Variants in DIPK2A observed in about 807,000 individuals in gnomAD.
DIPK2A encodes Golgi Protein of 49 kDa.
DIPK2A carries 27 observed loss-of-function variants against 39.0 expected under a neutral mutation model. The observed-to-expected ratio is 0.69, with a 90% CI of 0.51 to 0.96. The LOEUF (loss-of-function observed/expected upper bound fraction) is 0.96, where lower values mean the gene tolerates loss of function less well. Among genes scored for constraint, DIPK2A ranks in the 40% least tolerant of loss-of-function variants. DIPK2A has a pLI of 0.00. For synonymous variants in DIPK2A, 298 were observed against 240.8 expected (o/e 1.24, Z -2.20); for missense variants, 528 against 571.3 (o/e 0.92, Z 0.77).
intron 1 of DIPK2A, among the ~76,000 whole-genome samples, chr3:143,982,709 G>A (rs79028496): frequency 6.6e-6 from 1 of 152,108 alleles, no homozygotes; most frequent in East Asian, 1.9e-4. Flanking sequence ...AAAATAACCA[G>A]CTAGCATCAT....
intron 1 of DIPK2A, among the ~76,000 whole-genome samples, chr3:143,980,390 C>G (rs942810998): frequency 4.9e-4 from 74 of 152,118 alleles, no homozygotes; most frequent in African/African-American, 1.7e-3. Context: ...GCCTCAGCCT[C>G]CCGAGTAGCT....
At chr3:143,973,695 C>T in intron 1 of DIPK2A, 1 of 667,536 alleles carries the variant, frequency 1.5e-6, no homozygotes. Flanking sequence ...GTGACCTGCC[C>T]TATTCATCTG....
In DIPK2A at chr3:143,972,615, C is replaced by T; in HGVS notation, c.283C>T (p.Gln95Ter). 2 of 1,612,038 alleles carry T rather than the reference C, an allele frequency of 1.2e-6. No homozygotes were observed. Among genetic ancestry groups the T allele is most frequent in the Non-Finnish European group, 1.7e-6 (2 of 1,179,652 alleles). Residue 95 changes from glutamine (Q) to a stop codon, truncating the protein, a stop_gained, in exon 1 of 3, where the codon CAG becomes TAG. Coordinates refer to ENST00000315691, the MANE Select transcript of DIPK2A (RefSeq NM_173552.5). LOFTEE classifies it high-confidence loss of function. Reference protein sequence around the residue: ...FLNVKNVYFAQYGEPREGGRR... With the variant: ...FLNVKNVYFA The stretch of plus-strand genomic sequence containing the variant: ...CAACGTGAAGAACGTGTACTTCGCG[C>T]AGTACGGCGAGCCCCGCGAGGGCGG...
At chr3:143,977,003 A>AT (rs900834621) in intron 1 of DIPK2A, among the ~76,000 whole-genome samples, 1 of 152,020 alleles carries the variant, frequency 6.6e-6, no homozygotes, top group Non-Finnish European at 1.5e-5. Context: ...AATAATGGTG[A>AT]TTTTGAATAT....
At chr3:143,985,486 T>A in intron 1 of DIPK2A, 57 bp from the exon 2 acceptor site, 1 of 1,432,514 alleles carries the variant, frequency 7.0e-7, no homozygotes, top group Non-Finnish European at 9.7e-7. Flanking sequence ...GATCTGAGGA[T>A]AGACCTAGGA....
In DIPK2A at chr3:143,972,984, C is replaced by G. The variant is rs752265627; in HGVS notation, c.652C>G (p.Leu218Val). ...GGCCTTCAACCCCGAGCCGCTGGTG[C>G]TACAGGTAGGCGCGGAGCCAGGGCA... ...TLAFNPEPLV[L>V]QSFPSDEGWP... Residue 218 changes from leucine (L) to valine (V), a missense_variant, in exon 1 of 3, where the codon CTA (leucine) becomes GTA (valine). Transcript: ENST00000315691. 8.2e-6 allele frequency: 13 copies of G among 1,583,102 alleles called. No homozygotes were observed. The highest frequency in any genetic ancestry group is 1.1e-5 in the Non-Finnish European group (13 of 1,167,698).
At chr3:143,973,200 T>TA in intron 1 of DIPK2A, 1 of 1,017,666 alleles carries the variant, frequency 9.8e-7, no homozygotes, top group South Asian at 1.4e-5. Context: ...CTGCTCTTGT[T>TA]ACCTAGATTC....
intron 1 of DIPK2A, 132 bp downstream of exon 1, chr3:143,973,121 G>GA: frequency 7.8e-7 from 1 of 1,286,996 alleles, no homozygotes; most frequent in Non-Finnish European, 1.1e-6. Context: ...GCAGGCGTGG[G>GA]AAGGGGCGTC....
intron 1 of DIPK2A, chr3:143,978,616 C>CTATATATATAGATATATA (rs59804208): frequency 1.6e-5 from 2 of 126,124 alleles, no homozygotes; most frequent in African/African-American, 5.7e-5. Context: ...ATATATATAT[C>CTATATATATAGATATATA]TATATCTATA....
rs1007553036 is a variant in DIPK2A, at chr3:143,972,800, C to G, written c.468C>G (p.Leu156=). ...GCCTCAACGGCGACGTGCGTCTGCTCACGCCCGAGGCGGTGGAGGGCTGGT... is the reference window on the plus strand; with the variant it reads ...GCCTCAACGGCGACGTGCGTCTGCTGACGCCCGAGGCGGTGGAGGGCTGGT... The part of the protein sequence containing the change: ...FARLNGDVRL[L]TPEAVEGWSD... Residue 156 remains leucine, a synonymous_variant, in exon 1 of 3, where the codon CTC becomes CTG. Coordinates refer to ENST00000315691, the MANE Select transcript of DIPK2A (RefSeq NM_173552.5). 1 of 1,566,304 alleles carries G rather than the reference C, an allele frequency of 6.4e-7. No homozygotes were observed.
At chr3:143,985,984 G>A (rs1431674983) in intron 2 of DIPK2A, 138 bp downstream of exon 2, 1 of 644,182 alleles carries the variant, frequency 1.6e-6, no homozygotes, top group Non-Finnish European at 2.6e-6. Flanking sequence ...TATGACCACT[G>A]TCAATAAACA....
chr3:143,978,579 G>T (rs1306205288), intron 1 of DIPK2A: 1 of 125,992 alleles, frequency 7.9e-6, no homozygotes, highest in East Asian at 2.3e-4. Context: ...CTGTACAAAA[G>T]GTATCTATAT....
intron 1 of DIPK2A, among the ~76,000 whole-genome samples, chr3:143,983,026 A>G (rs747672021): frequency 2.0e-5 from 3 of 152,342 alleles, no homozygotes; most frequent in Non-Finnish European, 4.4e-5. Flanking sequence ...CAACAAGAAG[A>G]GCTAACTATA....
chr3:143,974,785 C>G (rs2087706879), intron 1 of DIPK2A, among the ~76,000 whole-genome samples: 1 of 151,932 alleles, frequency 6.6e-6, no homozygotes, highest in Non-Finnish European at 1.5e-5. Flanking sequence ...ATTATGTGGC[C>G]AGTTCTTTTT....
chr3:143,972,269 G>C lies in DIPK2A; in HGVS notation c.-64G>C, dbSNP rs1380834505. The C allele has an allele frequency of 6.0e-6, 8 of 1,327,564 alleles. No homozygotes were observed. The highest frequency in any genetic ancestry group is 2.8e-4 in the Middle Eastern group (1 of 3,590). The allele number at this position is 1,327,564 out of a possible 1,614,324, so 82.2% of individuals were successfully genotyped here. On this transcript the variant is annotated 5_prime_UTR_variant, in exon 1 of 3. Coordinates refer to ENST00000315691, the MANE Select transcript of DIPK2A (RefSeq NM_173552.5). ...GGGGTTCCTGCCGGTAGCTCTCCGG[G>C]TCTTGGCGCGGCGGGGGCGCCCCGG...
intron 2 of DIPK2A, among the ~76,000 whole-genome samples, chr3:143,988,101 C>CTT (rs778582228): frequency 6.9e-6 from 1 of 145,712 alleles, no homozygotes. Context: ...TCTTCTGATC[C>CTT]TTTTTTTTTT....
rs2107837667 is a variant in DIPK2A, at chr3:143,973,363, C to T, written c.657+374C>T. 10 of 1,546,344 alleles carry T rather than the reference C, an allele frequency of 6.5e-6. No individual in the cohort carries two copies. The South Asian group carries it at 1.1e-4, about 17-fold the overall frequency. On this transcript the variant is annotated intron_variant, in intron 1 of 2. Transcript: ENST00000315691. ...GGGGCTTGCAGGTCCGCGGCGCAGA[C>T]TGTTCACGAGCCCTTGGACCTTTCC... is the stretch of plus-strand genomic sequence containing the variant.
At position 143,991,982 on chromosome 3, in the gene DIPK2A, A is replaced by T. The variant is rs980254446; in HGVS notation, c.*2141A>T. 6.6e-6 allele frequency: 1 copy of T among 152,632 alleles called. No individual in the cohort carries two copies. The highest frequency in any genetic ancestry group is 2.4e-5 in the African/African-American group (1 of 41,562). The allele number at this position is 152,632 out of a possible 1,614,324, so 9.5% of individuals were successfully genotyped here. ...CTTGAGGTAGTTTTTTACAACTACCATTTCCCCTCCATGAAATTATGTGAA... is the reference window on the plus strand; with the variant it reads ...CTTGAGGTAGTTTTTTACAACTACCTTTTCCCCTCCATGAAATTATGTGAA... On this transcript the variant is annotated 3_prime_UTR_variant, in exon 3 of 3. Coordinates refer to ENST00000315691, the MANE Select transcript of DIPK2A (RefSeq NM_173552.5).
intron 1 of DIPK2A, among the ~76,000 whole-genome samples, chr3:143,974,606 C>A (rs1303459158): frequency 1.3e-5 from 2 of 152,126 alleles, no homozygotes; most frequent in African/African-American, 4.8e-5. Context: ...GAAGTAGATA[C>A]CCGGACAAAT....
Sources: allele counts gnomAD v4.1 joint callset (sites outside exome capture counted in the v4.1 genomes callset), GRCh38; gene constraint gnomAD v4.1.1; transcripts MANE v1.5; gene names NCBI Gene and HGNC (gene_info 2026-07-23, HGNC 2026-07-21).